PRKG1: variants seen among roughly 807,000 people sequenced by gnomAD.
The protein encoded by PRKG1 is protein kinase cGMP-dependent 1.
In PRKG1, 35 loss-of-function variants were observed where a neutral mutation model predicts 88.1. The observed-to-expected ratio is 0.40, with a 90% CI of 0.30 to 0.53. The LOEUF (loss-of-function observed/expected upper bound fraction) is 0.53, where lower values mean the gene tolerates loss of function less well. PRKG1 is among the 20% of genes least tolerant of loss of function. The pLI, the probability that PRKG1 is intolerant of heterozygous loss-of-function variation, is 0.59. For missense variants in PRKG1, 540 were observed against 839.8 expected, an observed-to-expected ratio of 0.64 and a Z score of 4.41; for synonymous variants, 303 against 292.5, an observed-to-expected ratio of 1.04 and a Z score of -0.37.
chr10:52,051,176 G>A (rs1845980213), intron 5 of PRKG1, among the ~76,000 whole-genome samples: 1 of 152,158 alleles, frequency 6.6e-6, no homozygotes, highest in Admixed American at 6.5e-5. Context: ...ACTATCACAT[G>A]GATAGGGATA....
chr10:51,782,189 G>T (rs1838608021), intron 3 of PRKG1, among the ~76,000 whole-genome samples: 1 of 151,984 alleles, frequency 6.6e-6, no homozygotes, highest in Non-Finnish European at 1.5e-5. Flanking sequence ...AAATACAGAT[G>T]GTCCTCAACT....
chr10:51,953,339 T>G (rs1158086003), intron 5 of PRKG1, among the ~76,000 whole-genome samples: 5 of 151,970 alleles, frequency 3.3e-5, no homozygotes, highest in Non-Finnish European at 5.9e-5. Flanking sequence ...AAGTGACATG[T>G]GCAGGCTTTT....
At chr10:51,632,618 T>C (rs188484730) in intron 3 of PRKG1, among the ~76,000 whole-genome samples, 1 of 152,342 alleles carries the variant, frequency 6.6e-6, no homozygotes, top group Admixed American at 6.5e-5. Flanking sequence ...GATATTTTCT[T>C]TCACTGTAAG....
chr10:51,873,755 C>T (rs750257193), intron 4 of PRKG1, among the ~76,000 whole-genome samples: 30 of 152,128 alleles, frequency 2.0e-4, no homozygotes, highest in Non-Finnish European at 3.4e-4. Context: ...TCTTGAACTC[C>T]TGGCCTCAAG....
chr10:51,156,359 A>G (rs911112731), intron 2 of PRKG1, among the ~76,000 whole-genome samples: 5 of 150,450 alleles, frequency 3.3e-5, no homozygotes, highest in Admixed American at 6.7e-5. Context: ...AATACTCATG[A>G]TAGGTGATAT....
At position 50,999,789 on chromosome 10, in the gene PRKG1, A is replaced by G. The variant is rs151207199; in HGVS notation, c.266+8145A>G. Among the ~76,000 whole-genome samples, 595 of 152,298 alleles carry G rather than the reference A, an allele frequency of 3.9e-3. 5 individuals are homozygous for G. Among genetic ancestry groups the G allele is most frequent in the African/African-American group, 0.014 (579 of 41,560 alleles). The stretch of plus-strand genomic sequence containing the variant: ...TAATTTCATGTATCACATGGTCACC[A>G]AGGTACTTGGCTACATATGCTAAAA... On this transcript the variant is annotated intron_variant, in intron 1 of 17. Transcript: ENST00000401604.
At chr10:51,220,004 T>A (rs563727323) in intron 2 of PRKG1, among the ~76,000 whole-genome samples, 2 of 152,250 alleles carry the variant, frequency 1.3e-5, no homozygotes, top group South Asian at 4.2e-4. Context: ...TTGGGCCTTA[T>A]AAGCAGAGAA....
intron 1 of PRKG1, among the ~76,000 whole-genome samples, chr10:51,107,036 G>C (rs773632175): frequency 1.3e-5 from 2 of 152,190 alleles, no homozygotes; most frequent in African/African-American, 2.4e-5. Context: ...TGATTGAGTG[G>C]GGTAAGAGGA....
chr10:51,007,694 A>G (rs997894316), intron 1 of PRKG1, among the ~76,000 whole-genome samples: 2 of 152,228 alleles, frequency 1.3e-5, no homozygotes, highest in Admixed American at 6.5e-5. Context: ...ACGTTATGCA[A>G]AAGACCTGTT....
At chr10:51,778,951 A>AATATG (rs1443807019) in intron 3 of PRKG1, among the ~76,000 whole-genome samples, 1 of 152,170 alleles carries the variant, frequency 6.6e-6, no homozygotes, top group African/African-American at 2.4e-5. Context: ...TTTTGAAAAG[A>AATATG]ATATGAAAAG....
At chr10:51,280,435 A>G (rs1332009362) in intron 2 of PRKG1, among the ~76,000 whole-genome samples, 1 of 152,188 alleles carries the variant, frequency 6.6e-6, no homozygotes, top group Non-Finnish European at 1.5e-5. Context: ...AGGTTGGGGA[A>G]GTTCTCCTGG....
At chr10:51,524,501 T>C (rs1841827084) in intron 3 of PRKG1, among the ~76,000 whole-genome samples, 1 of 152,248 alleles carries the variant, frequency 6.6e-6, no homozygotes, top group Non-Finnish European at 1.5e-5. Context: ...ATTTCAATTT[T>C]ACATAATTTT....
chr10:51,757,528 C>T (rs1412132419), intron 3 of PRKG1, among the ~76,000 whole-genome samples: 1 of 152,106 alleles, frequency 6.6e-6, no homozygotes, highest in East Asian at 1.9e-4. Flanking sequence ...GTAATGCTTT[C>T]AATACTAAGG....
chr10:51,776,845 C>CA (rs1476235879), intron 3 of PRKG1, among the ~76,000 whole-genome samples: 8 of 151,972 alleles, frequency 5.3e-5, no homozygotes, highest in Admixed American at 6.6e-5. Flanking sequence ...CAAAACAAAA[C>CA]AAACAAAATG....
chr10:51,407,942 CTTAACT>C (rs775528958), intron 2 of PRKG1, among the ~76,000 whole-genome samples: 29 of 152,288 alleles, frequency 1.9e-4, no homozygotes, highest in Non-Finnish European at 4.0e-4. Context: ...TGGCGGCAAT[CTTAACT>C]TTCAGTTCAA....
chr10:51,561,113 A>G (rs1352122423), intron 3 of PRKG1, among the ~76,000 whole-genome samples: 1 of 151,888 alleles, frequency 6.6e-6, no homozygotes, highest in Non-Finnish European at 1.5e-5. Flanking sequence ...AGAAAAGAAA[A>G]AGAAAAAAAG....
intron 5 of PRKG1, among the ~76,000 whole-genome samples, chr10:51,963,114 T>G (rs1400036064): frequency 6.6e-6 from 1 of 151,954 alleles, no homozygotes; most frequent in Non-Finnish European, 1.5e-5. Context: ...AGCAAAAAGG[T>G]AAAAAAAATT....
chr10:52,273,076 C>G (rs1218269934), intron 12 of PRKG1, among the ~76,000 whole-genome samples: 1 of 151,972 alleles, frequency 6.6e-6, no homozygotes, highest in Non-Finnish European at 1.5e-5. Flanking sequence ...CCTTCTTACC[C>G]TTCCAGGGCA....
At chr10:51,814,549 T>C (rs1309039840) in intron 4 of PRKG1, among the ~76,000 whole-genome samples, 1 of 152,154 alleles carries the variant, frequency 6.6e-6, no homozygotes, top group Non-Finnish European at 1.5e-5. Context: ...GAATTAAGCT[T>C]GACAAAGCTG....
Sources: gnomAD v4.1 joint callset for allele counts (sites outside exome capture counted in the v4.1 genomes callset) on GRCh38, gnomAD v4.1.1 for gene constraint, MANE v1.5 for transcripts, NCBI Gene and HGNC (gene_info 2026-07-23, HGNC 2026-07-21) for gene names.